Variants in PCDHGA3 observed in about 807,000 individuals in gnomAD.
The protein encoded by PCDHGA3 is protocadherin gamma subfamily A, 3.
In PCDHGA3, 40 loss-of-function variants were observed where a neutral mutation model predicts 58.5. That is an observed-to-expected ratio of 0.68 (90% confidence interval 0.53 to 0.89). The LOEUF (loss-of-function observed/expected upper bound fraction) is 0.89. Among genes scored for constraint, PCDHGA3 ranks in the 40% least tolerant of loss-of-function variants. The pLI is 0.00. For synonymous variants in PCDHGA3, 530 were observed against 525.7 expected, an observed-to-expected ratio of 1.01 and a Z score of -0.11; for missense variants, 1,223 against 1,195.9, an observed-to-expected ratio of 1.02 and a Z score of -0.33.
chr5:141,399,910 G>C, intron 1 of PCDHGA3: 1 of 1,612,438 alleles, frequency 6.2e-7, no homozygotes, highest in Non-Finnish European at 8.5e-7. Context: ...CGCAGACTCA[G>C]GACACAACGC....
chr5:141,376,676 G>GC (rs1773026765), intron 1 of PCDHGA3: 1 of 275,812 alleles, frequency 3.6e-6, no homozygotes, highest in Non-Finnish European at 6.2e-6. Context: ...TGAGGGTATC[G>GC]TTTTTTTTTT....
chr5:141,462,242 G>A (rs1325040495), intron 1 of PCDHGA3, among the ~76,000 whole-genome samples: 3 of 152,234 alleles, frequency 2.0e-5, no homozygotes, highest in Non-Finnish European at 4.4e-5. Context: ...TTACAGGTAT[G>A]AGCCACCATG....
chr5:141,509,224 T>G (rs1241668369), intron 3 of PCDHGA3, among the ~76,000 whole-genome samples: 3 of 152,176 alleles, frequency 2.0e-5, no homozygotes, highest in Non-Finnish European at 2.9e-5. Flanking sequence ...AATCCCTGGT[T>G]GATGTCCCAG....
rs372326132 is a variant in PCDHGA3 at position 141,486,185 on chromosome 5, G to A, written c.2425-8622G>A. On this transcript the variant is annotated intron_variant, in intron 1 of 3. Coordinates refer to ENST00000253812, the MANE Select transcript of PCDHGA3 (RefSeq NM_018916.4). The surrounding 1 kb of genome is among the most constrained non-coding windows in gnomAD (Gnocchi z 5.0). ...CATGGAGCAACATTGCAGCCTTCGAGTGGATCTGCTGGACGTAAATGACAA... is the reference window on the plus strand; with the variant it reads ...CATGGAGCAACATTGCAGCCTTCGAATGGATCTGCTGGACGTAAATGACAA... 42 of 1,614,108 alleles carry A rather than the reference G, an allele frequency of 2.6e-5. No homozygotes were observed. The highest frequency in any genetic ancestry group is 3.4e-5 in the Non-Finnish European group (40 of 1,180,048).
intron 1 of PCDHGA3, among the ~76,000 whole-genome samples, chr5:141,435,219 C>A (rs1226171884): frequency 6.6e-6 from 1 of 152,118 alleles, no homozygotes; most frequent in Non-Finnish European, 1.5e-5. Flanking sequence ...AATTTACTTT[C>A]TTTCAAAGTT....
intron 1 of PCDHGA3, among the ~76,000 whole-genome samples, chr5:141,438,036 C>T (rs1299733977): frequency 4.6e-5 from 7 of 152,026 alleles, no homozygotes; most frequent in South Asian, 2.1e-4. Flanking sequence ...CCACCATGCC[C>T]GACCACTTTG....
intron 1 of PCDHGA3, chr5:141,355,814 A>T: frequency 6.2e-7 from 1 of 1,613,248 alleles, no homozygotes; most frequent in Non-Finnish European, 8.5e-7. Context: ...CGCGAGGAAG[A>T]GGCGGTTCAC....
At chr5:141,404,865 T>C (rs1308625182) in intron 1 of PCDHGA3, 12 of 1,613,552 alleles carry the variant, frequency 7.4e-6, no homozygotes, top group Non-Finnish European at 1.0e-5. Flanking sequence ...AGAGATGCGC[T>C]CAAACAGAGC....
chr5:141,359,233 G>A (rs1200901536), intron 1 of PCDHGA3, among the ~76,000 whole-genome samples: 2 of 152,030 alleles, frequency 1.3e-5, no homozygotes, highest in East Asian at 3.8e-4. Flanking sequence ...AGGAGAGATT[G>A]TTTAAAGTAA....
chr5:141,371,119 T>A lies in PCDHGA3; in HGVS notation c.2424+24662T>A, dbSNP rs567260577. 2.4e-4 allele frequency: 393 copies of A among 1,613,958 alleles called. 4 individuals are homozygous for A. The South Asian group carries it at 3.8e-3, about 16-fold the overall frequency. ...GATGCAAATGATAACCCCCCAGTAT[T>A]TACTCAGGACATGTACAGGGTCAAT... On this transcript the variant is annotated intron_variant, in intron 1 of 3. Coordinates refer to ENST00000253812, the MANE Select transcript of PCDHGA3 (RefSeq NM_018916.4).
intron 1 of PCDHGA3, chr5:141,382,999 T>C (rs1208869928): frequency 6.2e-7 from 1 of 1,613,770 alleles, no homozygotes; most frequent in Non-Finnish European, 8.5e-7. Context: ...TATTCTCTAC[T>C]CCGTGTCGGA....
intron 1 of PCDHGA3, chr5:141,385,358 T>G: frequency 6.5e-7 from 1 of 1,546,418 alleles, no homozygotes; most frequent in South Asian, 1.3e-5. Context: ...CCATGAGGAA[T>G]TTATTTGCAT....
intron 1 of PCDHGA3, chr5:141,413,664 T>A: frequency 6.2e-7 from 1 of 1,613,858 alleles, no homozygotes; most frequent in Non-Finnish European, 8.5e-7. Flanking sequence ...AAGCTATTGA[T>A]CCGGATGTGG....
chr5:141,410,849 CTTTTTTTTT>C (rs759346998), intron 1 of PCDHGA3: 2 of 136,714 alleles, frequency 1.5e-5, no homozygotes, highest in African/African-American at 6.3e-5. Context: ...TTGTCTTTGT[CTTTTTTTTT>C]TTTTTTTTTT....
At chr5:141,421,303 G>A (rs1456288695) in intron 1 of PCDHGA3, 1 of 1,613,660 alleles carries the variant, frequency 6.2e-7, no homozygotes, top group Non-Finnish European at 8.5e-7. Flanking sequence ...GACGCTGCGG[G>A]GGTTCCGGGC....
At chr5:141,465,867 A>G (rs1049493106) in intron 1 of PCDHGA3, among the ~76,000 whole-genome samples, 5 of 152,040 alleles carry the variant, frequency 3.3e-5, no homozygotes, top group African/African-American at 9.7e-5. Context: ...TCATGCCTGT[A>G]ATCCCAGCAC....
chr5:141,355,451 T>G, intron 1 of PCDHGA3: 1 of 1,614,076 alleles, frequency 6.2e-7, no homozygotes. Flanking sequence ...AGCGGCACCT[T>G]GGTCACCGCG....
intron 1 of PCDHGA3, chr5:141,357,177 A>G (rs553735301): frequency 3.7e-6 from 6 of 1,613,562 alleles, no homozygotes; most frequent in Non-Finnish European, 5.1e-6. Context: ...CCACCGTCAC[A>G]CTCACTGTGG....
At chr5:141,355,415 C>T (rs753835027) in intron 1 of PCDHGA3, 9 of 1,613,978 alleles carry the variant, frequency 5.6e-6, no homozygotes, top group African/African-American at 2.7e-5. Flanking sequence ...AGAGGTAGGA[C>T]GCAGCTTTTC....
Sources: gnomAD v4.1 joint callset for allele counts (sites outside exome capture counted in the v4.1 genomes callset) on GRCh38, gnomAD v4.1.1 for gene constraint, Gnocchi (gnomAD v3.1) non-coding constraint, MANE v1.5 for transcripts, NCBI Gene and HGNC (gene_info 2026-07-23, HGNC 2026-07-21) for gene names.